RGS12: variants seen among roughly 807,000 people sequenced by gnomAD.
The protein encoded by RGS12 is regulator of G protein signaling 12, also known as regulator of G-protein signaling 12.
A neutral mutation model predicts 120.1 loss-of-function variants in RGS12; 66 were observed. The ratio of observed to expected loss-of-function variants is 0.55; its 90% CI spans 0.45 to 0.67. The LOEUF (loss-of-function observed/expected upper bound fraction) is 0.67. RGS12 is among the 30% of genes least tolerant of loss of function. RGS12 has a pLI of 0.00. For synonymous variants in RGS12, 827 were observed against 804.7 expected (o/e 1.03, Z -0.47); for missense variants, 1,859 against 1,957.7 (o/e 0.95, Z 0.95).
At chr4:3,418,797 C>T (rs1402854187) in intron 9 of RGS12, 5 of 151,982 alleles carry the variant, frequency 3.3e-5, no homozygotes, top group Admixed American at 3.3e-4. Context: ...GCCAGGCCTC[C>T]CGAGTACCTG....
At chr4:3,332,377 A>T (rs1288359682) in intron 2 of RGS12, among the ~76,000 whole-genome samples, 3 of 152,240 alleles carry the variant, frequency 2.0e-5, no homozygotes, top group Non-Finnish European at 4.4e-5. Context: ...TGGTTTATCC[A>T]TGATGTTATT....
rs1276023150 is a variant in RGS12 at position 3,430,509 on chromosome 4, C to T, written c.3668C>T (p.Pro1223Leu). Reference sequence around the variant, plus strand: ...GTGTTGCCAGAGTTCCTCCGTTTACCTCCTGGTTCCACAGAACTCACCCTC... The same window carrying T: ...GTGTTGCCAGAGTTCCTCCGTTTACTTCCTGGTTCCACAGAACTCACCCTC... ...DLVLPEFLRL[P>L]PGSTELTLPT... is the part of the protein sequence containing the mutation. Residue 1223 changes from proline to leucine, a missense_variant, in exon 17 of 18, where the codon CCT (proline) becomes CTT (leucine). Physicochemically the swap from Pro to Leu is moderately conservative, Grantham distance 98. This residue lies in a region of RGS12 where 517 missense variants were observed against 488.5 expected (regional missense o/e 1.06). Transcript: ENST00000336727. 1 of 1,613,748 alleles carries T rather than the reference C, an allele frequency of 6.2e-7. No individual in the cohort carries two copies.
rs1352832957 is a variant in RGS12, at chr4:3,372,066, G to T, written c.1999-14350G>T. Among the ~76,000 whole-genome samples the T allele has an allele frequency of 6.6e-6, 1 of 152,206 alleles. No homozygotes were observed. Among genetic ancestry groups the T allele is most frequent in the Non-Finnish European group, 1.5e-5 (1 of 68,038 alleles). On this transcript the variant is annotated intron_variant, in intron 3 of 17. Transcript: ENST00000336727. The surrounding 1 kb of genome is among the most constrained non-coding windows in gnomAD (Gnocchi z 4.3). ...TGCCCGTGCCTGTCACCTAATCGGG[G>T]CACCTCATCCTGTTTCATAAACCAT... is the stretch of plus-strand genomic sequence containing the variant.
In RGS12 at chr4:3,366,389, G is replaced by A. The variant is rs1056088019; in HGVS notation, c.1999-20027G>A. 6.6e-6 allele frequency among the ~76,000 whole-genome samples: 1 copy of A among 152,116 alleles called. No homozygotes were observed. Among genetic ancestry groups the A allele is most frequent in the Non-Finnish European group, 1.5e-5 (1 of 68,014 alleles). On this transcript the variant is annotated intron_variant, in intron 3 of 17. Coordinates refer to ENST00000336727, the MANE Select transcript of RGS12 (RefSeq NM_001394154.1). The surrounding 1 kb of genome is among the most constrained non-coding windows in gnomAD (Gnocchi z 4.0). The stretch of plus-strand genomic sequence containing the variant: ...TGGCTTGGCGACCAGAGGCCTCCAG[G>A]GTTAAGAGCAGGGAGAGAATCAGGG...
intron 2 of RGS12, among the ~76,000 whole-genome samples, chr4:3,323,556 T>A (rs1389321674): frequency 6.6e-6 from 1 of 152,256 alleles, no homozygotes; most frequent in African/African-American, 2.4e-5. Context: ...TACATAGTTA[T>A]ATATCAATTT....
At chr4:3,412,178 TTGAA>T (rs1347632091) in intron 4 of RGS12, among the ~76,000 whole-genome samples, 3 of 152,266 alleles carry the variant, frequency 2.0e-5, no homozygotes, top group African/African-American at 4.8e-5. Context: ...TCTTCGCACT[TTGAA>T]TGACTCCTGC....
chr4:3,307,234 C>T (rs964800698), intron 1 of RGS12, among the ~76,000 whole-genome samples: 20 of 152,202 alleles, frequency 1.3e-4, no homozygotes, highest in Admixed American at 2.6e-4. Flanking sequence ...TCCTGGGATA[C>T]GGCCTTTGCC....
chr4:3,342,444 TCTTCAGACACCAGCTGAATG>T, intron 2 of RGS12: 1 of 1,282,578 alleles, frequency 7.8e-7, no homozygotes, highest in Non-Finnish European at 1.0e-6. Flanking sequence ...GTTGGTTGGG[TCTTCAGACACCAGCTGAATG>T]CTTAGGGATT....
intron 10 of RGS12, 49 bp from the exon 11 acceptor site, chr4:3,422,326 AC>A (rs1458628267): frequency 6.5e-7 from 1 of 1,548,434 alleles, no homozygotes; most frequent in Non-Finnish European, 8.7e-7. Context: ...GGTGCCCCGC[AC>A]CCCTGTGACG....
chr4:3,430,680 GC>G lies in RGS12; in HGVS notation c.3845del (p.Pro1282LeufsTer59). On this transcript the variant is annotated frameshift_variant, in exon 17 of 18. Coordinates refer to ENST00000336727, the MANE Select transcript of RGS12 (RefSeq NM_001394154.1). LOFTEE classifies it high-confidence loss of function. Reference sequence around the variant, plus strand: ...TCCACCAGCCCGGGCTCAGCCTCCAGCCCCCCTGGACCTCCTGGGACGACCC... The same window carrying G: ...TCCACCAGCCCGGGCTCAGCCTCCAGCCCCCTGGACCTCCTGGGACGACCC... ...SPSTSPGSAS[S>X]PPGPPGTTPP... 6.3e-7 allele frequency: 1 copy of G among 1,581,856 alleles called. No homozygotes were observed.
chr4:3,417,194 A>C (rs1722501310), intron 8 of RGS12, 102 bp downstream of exon 8: 6 of 1,363,912 alleles, frequency 4.4e-6, no homozygotes, highest in Non-Finnish European at 4.9e-6. Context: ...CGTCTTCACC[A>C]GTGGTGGGTG....
Position 3,372,046 on chromosome 4 carries a change from G to A in RGS12, c.1999-14370G>A, listed in dbSNP as rs541509952. Among the ~76,000 whole-genome samples the A allele has an allele frequency of 6.6e-5, 10 of 152,296 alleles. No individual in the cohort carries two copies. The highest frequency in any genetic ancestry group is 4.1e-4 in the South Asian group (2 of 4,832). On this transcript the variant is annotated intron_variant, in intron 3 of 17. Transcript: ENST00000336727. This position sits in a 1 kb window ranked among gnomAD's most constrained non-coding sequence, Gnocchi z 4.3. ...GCTTTGGCAGGCCGGGAAGATGCCC[G>A]TGCCTGTCACCTAATCGGGGCACCT... is the stretch of plus-strand genomic sequence containing the variant.
At chr4:3,439,258 A>G (rs1226821230) in intron 17 of RGS12, among the ~76,000 whole-genome samples, 197 bp from the exon 18 acceptor site, 1 of 152,026 alleles carries the variant, frequency 6.6e-6, no homozygotes, top group Admixed American at 6.5e-5. Context: ...GGGCTCTGGG[A>G]ACACTGCACC....
At position 3,343,072 on chromosome 4, in the gene RGS12, T is replaced by G; in HGVS notation, c.1998+19T>G. ...TCTTGAGGTAATTTAATTTTCATTTTTCTTCTTTTCTCCTTCAAGTTTTAA... is the reference window on the plus strand; with the variant it reads ...TCTTGAGGTAATTTAATTTTCATTTGTCTTCTTTTCTCCTTCAAGTTTTAA... On this transcript the variant is annotated intron_variant, in intron 3 of 17. Coordinates refer to ENST00000336727, the MANE Select transcript of RGS12 (RefSeq NM_001394154.1). 6.4e-7 allele frequency: 1 copy of G among 1,556,040 alleles called. No individual in the cohort carries two copies. The highest frequency in any genetic ancestry group is 2.2e-5 in the East Asian group (1 of 44,598).
At chr4:3,312,264 G>A (rs1449451098) in intron 1 of RGS12, among the ~76,000 whole-genome samples, 2 of 152,214 alleles carry the variant, frequency 1.3e-5, no homozygotes, top group East Asian at 3.8e-4. Context: ...ACTATAAGCT[G>A]AACTTATGTG....
chr4:3,379,005 ATG>A (rs3138719), intron 3 of RGS12, among the ~76,000 whole-genome samples: 39,784 of 146,246 alleles, frequency 0.27, 5,328 homozygotes, highest in East Asian at 0.42. Context: ...GAAATGTGCG[ATG>A]TGTGTGTGTG....
At chr4:3,287,983 C>T in the RGS12 span, among the ~76,000 whole-genome samples, 2 of 152,370 alleles carry the variant, frequency 1.3e-5, no homozygotes, top group African/African-American at 4.8e-5. Flanking sequence ...CGCTCCATCC[C>T]TGCCCTGCTT....
chr4:3,300,181 C>T (rs567135809), intron 1 of RGS12, among the ~76,000 whole-genome samples: 10 of 152,338 alleles, frequency 6.6e-5, no homozygotes, highest in African/African-American at 1.9e-4. Flanking sequence ...GTGCTCGCCT[C>T]GGAGGCGCCC....
chr4:3,370,387 C>T, intron 3 of RGS12: 4 of 1,502,890 alleles, frequency 2.7e-6, no homozygotes, highest in Non-Finnish European at 2.8e-6. Context: ...CCTGGCTATC[C>T]TGTTTTAGCG....
Sources: gnomAD v4.1 joint callset for allele counts (sites outside exome capture counted in the v4.1 genomes callset) on GRCh38, gnomAD v4.1.1 for gene constraint, gnomAD v4.1.1 regional missense constraint, Gnocchi (gnomAD v3.1) non-coding constraint, MANE v1.5 for transcripts, NCBI Gene and HGNC (gene_info 2026-07-23, HGNC 2026-07-21) for gene names.